Variants in HSPA4L observed in about 807,000 individuals in gnomAD.
HSPA4L encodes the protein heat shock 70 kDa protein 4L.
A neutral mutation model predicts 100.3 loss-of-function variants in HSPA4L; 48 were observed. The observed-to-expected ratio is 0.48, with a 90% CI of 0.38 to 0.61. The LOEUF is 0.61. HSPA4L is among the 20% of genes least tolerant of loss of function. The probability of loss-of-function intolerance (pLI) is 0.00; values close to 1 mark genes in which losing one functional copy is unlikely to be tolerated. For missense variants in HSPA4L, 886 were observed against 988.6 expected (o/e 0.90, Z 1.39); for synonymous variants, 319 against 328.2 (o/e 0.97, Z 0.30).
chr4:127,805,692 G>A lies in HSPA4L; in HGVS notation c.1143G>A (p.Ala381=), dbSNP rs577260042. Residue 381 remains alanine, a synonymous_variant, in exon 10 of 19, where the codon GCG becomes GCA. Transcript: ENST00000296464. ...AVARGCALQC[A]ILSPAFKVRE... is the part of the protein sequence containing the mutation. ...GGTATACATCTTATTTTCAGTGTGC[G>A]ATTCTCTCACCAGCATTTAAAGTGC... 6 of 1,608,560 alleles carry A rather than the reference G, an allele frequency of 3.7e-6. No homozygotes were observed. The highest frequency in any genetic ancestry group is 1.3e-5 in the African/African-American group (1 of 74,874).
intron 9 of HSPA4L, 60 bp downstream of exon 9, chr4:127,805,284 A>T: frequency 7.5e-7 from 1 of 1,331,036 alleles, no homozygotes; most frequent in Non-Finnish European, 1.0e-6. Flanking sequence ...TGATAGATCC[A>T]AAGGGGCCTT....
In HSPA4L at chr4:127,795,959, C is replaced by A. The variant is rs567172230; in HGVS notation, c.306+51C>A. The A allele has an allele frequency of 4.7e-5, 73 of 1,568,712 alleles. No homozygotes were observed. The South Asian group carries it at 7.4e-4, about 16-fold the overall frequency. On this transcript the variant is annotated intron_variant, in intron 3 of 18. Transcript: ENST00000296464. ...AAACATATCTTCAAATTAAGTAAAC[C>A]CAATGTGATAATATTGCTATTTGTA... is the stretch of plus-strand genomic sequence containing the variant.
intron 1 of HSPA4L, among the ~76,000 whole-genome samples, chr4:127,788,393 G>T (rs1732776783): frequency 6.6e-6 from 1 of 151,930 alleles, no homozygotes; most frequent in African/African-American, 2.4e-5. Flanking sequence ...GCAGCAGTGA[G>T]TTTTTTTTAG....
Position 127,830,626 on chromosome 4 carries a change from T to A in HSPA4L, c.2167-12T>A. Reference sequence around the variant, plus strand: ...TCATTAACATGCAGTCAAGCTTTTTTTTTTTAAATAGGATGAAAGATATGA... The same window carrying A: ...TCATTAACATGCAGTCAAGCTTTTTATTTTTAAATAGGATGAAAGATATGA... On this transcript the variant is annotated splice_polypyrimidine_tract_variant and intron_variant, in intron 17 of 18. Transcript: ENST00000296464. The A allele has an allele frequency of 6.4e-7, 1 of 1,563,698 alleles. No individual in the cohort carries two copies. The highest frequency in any genetic ancestry group is 2.3e-5 in the East Asian group (1 of 43,932).
upstream of HSPA4L, chr4:127,782,182 T>A (rs543289095): frequency 4.5e-5 from 19 of 419,530 alleles, no homozygotes; most frequent in South Asian, 3.4e-4. Flanking sequence ...TGGGCAGCCG[T>A]TGCCCGAGTG....
At chr4:127,789,108 C>T (rs1057252101) in intron 1 of HSPA4L, among the ~76,000 whole-genome samples, 7 of 152,114 alleles carry the variant, frequency 4.6e-5, no homozygotes, top group African/African-American at 1.2e-4. Flanking sequence ...AACCTAATTA[C>T]GCTTGGCCTT....
At chr4:127,823,690 GCA>G (rs1733872850) in intron 16 of HSPA4L, 66 bp downstream of exon 16, 2 of 887,308 alleles carry the variant, frequency 2.3e-6, no homozygotes, top group South Asian at 3.0e-5. Flanking sequence ...GGGTGTAAGA[GCA>G]CAGTTTATGT....
Position 127,805,734 on chromosome 4 carries a change from A to G in HSPA4L, c.1185A>G (p.Thr395=). The change falls in exon 10 of 19, where the codon ACA becomes ACG. Residue 395 remains threonine (T), a synonymous_variant. Transcript: ENST00000296464. ...TTAAAGTGCGTGAATTTTCCATAAC[A>G]GACCTTGTTCCCTATTCAATCACAT... ...PAFKVREFSI[T]DLVPYSITLR... 2 of 1,612,972 alleles carry G rather than the reference A, an allele frequency of 1.2e-6. No homozygotes were observed. The highest frequency in any genetic ancestry group is 1.7e-6 in the Non-Finnish European group (2 of 1,179,276).
chr4:127,807,875 T>C, intron 10 of HSPA4L, 121 bp from the exon 11 acceptor site: 3 of 952,780 alleles, frequency 3.1e-6, no homozygotes, highest in South Asian at 1.8e-5. Flanking sequence ...GTTTTTTCTT[T>C]TTATTTGTGC....
Position 127,827,391 on chromosome 4 carries a change from T to G in HSPA4L, c.2133T>G (p.Leu711=). The change falls in exon 17 of 19, where the codon CTT becomes CTG. Residue 711 remains leucine, a synonymous_variant. Coordinates refer to ENST00000296464, the MANE Select transcript of HSPA4L (RefSeq NM_014278.4). ...ATGACTTGGGAAAAAAGATCCAACTTGTCATGAAAGTGATAGAAGCTTATA... is the reference window on the plus strand; with the variant it reads ...ATGACTTGGGAAAAAAGATCCAACTGGTCATGAAAGTGATAGAAGCTTATA... ...ALNDLGKKIQ[L]VMKVIEAYRN... 1 of 1,613,710 alleles carries G rather than the reference T, an allele frequency of 6.2e-7. No individual in the cohort carries two copies. The highest frequency in any genetic ancestry group is 8.5e-7 in the Non-Finnish European group (1 of 1,179,724).
At chr4:127,816,982 T>C (rs1207233352) in intron 12 of HSPA4L, among the ~76,000 whole-genome samples, 2 of 152,248 alleles carry the variant, frequency 1.3e-5, no homozygotes, top group Non-Finnish European at 2.9e-5. Flanking sequence ...CTCAACACTT[T>C]ATCACTTTTT....
chr4:127,804,939 A>G, intron 8 of HSPA4L, 134 bp from the exon 9 acceptor site: 3 of 581,878 alleles, frequency 5.2e-6, no homozygotes, highest in Non-Finnish European at 9.0e-6. Context: ...ATATCTTTCT[A>G]AAAATTGTAT....
chr4:127,800,761 A>G (rs1733153008), intron 4 of HSPA4L, among the ~76,000 whole-genome samples: 1 of 152,194 alleles, frequency 6.6e-6, no homozygotes, highest in Non-Finnish European at 1.5e-5. Flanking sequence ...ACAGCTACAT[A>G]GGATTCCATT....
rs931662428 is a variant in HSPA4L, at chr4:127,830,835, C to T, written c.2328+36C>T. The T allele has an allele frequency of 2.9e-6, 4 of 1,375,982 alleles. No homozygotes were observed. The African/African-American group carries it at 4.5e-5, about 15-fold the overall frequency. The allele number at this position is 1,375,982 out of a possible 1,614,324, so 85.2% of individuals were successfully genotyped here. A position where few individuals can be genotyped will look rare whatever the true frequency, so the allele number is the denominator to read the frequency against. Reference sequence around the variant, plus strand: ...TATGAAATTGCCTTTTTAATGGTTTCAAGTATTAAAATTTTTAATGAGAGT... The same window carrying T: ...TATGAAATTGCCTTTTTAATGGTTTTAAGTATTAAAATTTTTAATGAGAGT... On this transcript the variant is annotated intron_variant, in intron 18 of 18. Coordinates refer to ENST00000296464, the MANE Select transcript of HSPA4L (RefSeq NM_014278.4).
At chr4:127,790,430 A>G (rs924877979) in intron 1 of HSPA4L, among the ~76,000 whole-genome samples, 3 of 152,148 alleles carry the variant, frequency 2.0e-5, no homozygotes, top group African/African-American at 7.2e-5. Context: ...GGATATGTAA[A>G]TTTTTACTCT....
rs372475811 is a variant in HSPA4L, at chr4:127,836,134, A to G, written c.*3260A>G. 45 of 152,752 alleles carry G rather than the reference A, an allele frequency of 2.9e-4. No individual in the cohort carries two copies. Among genetic ancestry groups the G allele is most frequent in the East Asian group, 7.7e-4 (4 of 5,192 alleles). The allele number at this position is 152,752 out of a possible 1,614,324, so 9.5% of individuals were successfully genotyped here. The stretch of plus-strand genomic sequence containing the variant: ...TGTAATCCCAGCACTTTGGGAGGCC[A>G]AGGCGGGCAGATCACGAGGTCAGGA... On this transcript the variant is annotated 3_prime_UTR_variant, in exon 19 of 19. Transcript: ENST00000296464.
At chr4:127,785,962 A>G (rs1732705320) in intron 1 of HSPA4L, among the ~76,000 whole-genome samples, 1 of 152,216 alleles carries the variant, frequency 6.6e-6, no homozygotes, top group Non-Finnish European at 1.5e-5. Flanking sequence ...GGCCTGGTAC[A>G]TGTCTGCATT....
intron 12 of HSPA4L, among the ~76,000 whole-genome samples, chr4:127,813,723 A>G (rs1445973227): frequency 6.6e-6 from 1 of 151,842 alleles, no homozygotes; most frequent in Non-Finnish European, 1.5e-5. Flanking sequence ...GCCCACTACA[A>G]CCTCTGCCTC....
At position 127,803,703 on chromosome 4, in the gene HSPA4L, T is replaced by C; in HGVS notation, c.738T>C (p.Asp246=). ...AGGCTTTAGTAGACTACTTCTGTGATGAGTTCAAGACCAAATATAAGATAA... is the reference window on the plus strand; with the variant it reads ...AGGCTTTAGTAGACTACTTCTGTGACGAGTTCAAGACCAAATATAAGATAA... ...FDEALVDYFC[D]EFKTKYKINV... The change falls in exon 7 of 19, where the codon GAT becomes GAC. Residue 246 remains aspartate (D), a synonymous_variant. Transcript: ENST00000296464. 1 of 1,613,956 alleles carries C rather than the reference T, an allele frequency of 6.2e-7. No individual in the cohort carries two copies. Among genetic ancestry groups the C allele is most frequent in the Non-Finnish European group, 8.5e-7 (1 of 1,179,918 alleles).
Sources: allele counts gnomAD v4.1 joint callset (sites outside exome capture counted in the v4.1 genomes callset), GRCh38; gene constraint gnomAD v4.1.1; transcripts MANE v1.5; gene names NCBI Gene and HGNC (gene_info 2026-07-23, HGNC 2026-07-21).